Variants in MGLL observed in about 807,000 individuals in gnomAD.
MGLL encodes monoglyceride lipase.
A neutral mutation model predicts 29.1 loss-of-function variants in MGLL; 7 were observed. The ratio of observed to expected loss-of-function variants is 0.24; its 90% CI spans 0.14 to 0.45. MGLL has a LOEUF of 0.45. MGLL is among the 20% of genes least tolerant of loss of function. The probability of loss-of-function intolerance (pLI) is 0.99; values close to 1 mark genes in which losing one functional copy is unlikely to be tolerated. For missense variants in MGLL, 356 were observed against 413.6 expected (o/e 0.86, Z 1.21); for synonymous variants, 148 against 168.3 (o/e 0.88, Z 0.93).
At chr3:127,738,821 G>C (rs1386903456) in intron 3 of MGLL, among the ~76,000 whole-genome samples, 1 of 152,190 alleles carries the variant, frequency 6.6e-6, no homozygotes. Flanking sequence ...GTCCCAATCT[G>C]CACCAGCCGC....
At chr3:127,705,596 G>C (rs1218989863) in intron 6 of MGLL, among the ~76,000 whole-genome samples, 1 of 151,828 alleles carries the variant, frequency 6.6e-6, no homozygotes, top group African/African-American at 2.4e-5. Context: ...GACCACCATG[G>C]AGAAACCCCG....
chr3:127,821,876 T>C, intron 1 of MGLL, 38 bp from the exon 2 acceptor site: 6 of 1,603,158 alleles, frequency 3.7e-6, no homozygotes, highest in Non-Finnish European at 5.1e-6. Flanking sequence ...GTCAGAAATA[T>C]CTCAAGAACA....
chr3:127,738,047 T>A (rs994013807), intron 3 of MGLL, among the ~76,000 whole-genome samples: 1 of 152,068 alleles, frequency 6.6e-6, no homozygotes, highest in African/African-American at 2.4e-5. Context: ...AGACCTGTAA[T>A]CCCAGCACTT....
chr3:127,742,627 T>G (rs1226805365), intron 3 of MGLL, among the ~76,000 whole-genome samples: 2 of 148,540 alleles, frequency 1.3e-5, no homozygotes, highest in East Asian at 2.0e-4. Context: ...ACAGAAGGCA[T>G]TGTTTTGGTC....
intron 2 of MGLL, among the ~76,000 whole-genome samples, chr3:127,792,981 A>C (rs1224526903): frequency 6.6e-6 from 1 of 152,240 alleles, no homozygotes; most frequent in East Asian, 1.9e-4. Flanking sequence ...GAAGGGTTCC[A>C]ATCCCACCCA....
intron 6 of MGLL, 53 bp downstream of exon 6, chr3:127,710,523 C>T (rs2075689470): frequency 1.4e-6 from 2 of 1,435,068 alleles, no homozygotes; most frequent in East Asian, 5.0e-5. Flanking sequence ...AACTCTGATT[C>T]CCCATGGGGG....
At chr3:127,804,341 G>A (rs2077528972) in intron 2 of MGLL, among the ~76,000 whole-genome samples, 1 of 152,246 alleles carries the variant, frequency 6.6e-6, no homozygotes, top group Non-Finnish European at 1.5e-5. Flanking sequence ...CGGCTCAAAT[G>A]TCACGTCTGC....
chr3:127,731,584 C>T (rs1036952989), intron 3 of MGLL, among the ~76,000 whole-genome samples: 2 of 152,152 alleles, frequency 1.3e-5, no homozygotes, highest in South Asian at 2.1e-4. Flanking sequence ...GTCCTGATCA[C>T]CTCAGGGCCA....
intron 3 of MGLL, among the ~76,000 whole-genome samples, chr3:127,748,550 G>A (rs1253761796): frequency 6.6e-6 from 1 of 151,826 alleles, no homozygotes; most frequent in African/African-American, 2.4e-5. Flanking sequence ...CTTTGCCAAG[G>A]TAATGAAGTT....
At chr3:127,773,844 G>A (rs537225076) in intron 3 of MGLL, among the ~76,000 whole-genome samples, 6 of 152,216 alleles carry the variant, frequency 3.9e-5, no homozygotes, top group African/African-American at 1.4e-4. Flanking sequence ...CTCTGCTCAG[G>A]CCTCTTTATT....
intron 3 of MGLL, among the ~76,000 whole-genome samples, chr3:127,760,611 C>T (rs1182095508): frequency 6.6e-6 from 1 of 152,204 alleles, no homozygotes; most frequent in African/African-American, 2.4e-5. Flanking sequence ...GGAGCCGCTG[C>T]GGCACTTCTG....
At chr3:127,770,444 G>C (rs1051036376) in intron 3 of MGLL, among the ~76,000 whole-genome samples, 1 of 152,162 alleles carries the variant, frequency 6.6e-6, no homozygotes. Flanking sequence ...CAGCCCTCTA[G>C]GTTTCTGGGA....
At chr3:127,808,144 A>G (rs73862357) in intron 2 of MGLL, among the ~76,000 whole-genome samples, 7,010 of 152,074 alleles carry the variant, frequency 0.046, 549 homozygotes, top group African/African-American at 0.16. Context: ...ATAGCCCCCA[A>G]TGTGACCATT....
At chr3:127,762,731 C>A (rs150359272) in intron 3 of MGLL, among the ~76,000 whole-genome samples, 1 of 152,242 alleles carries the variant, frequency 6.6e-6, no homozygotes, top group Non-Finnish European at 1.5e-5. Flanking sequence ...CTGGTCATTA[C>A]TGCAGCTTCA....
intron 3 of MGLL, among the ~76,000 whole-genome samples, chr3:127,748,045 TA>T (rs1478672276): frequency 6.6e-6 from 1 of 150,466 alleles, no homozygotes; most frequent in Non-Finnish European, 1.5e-5. Context: ...CGTCTGGTAT[TA>T]AGTAAAGGAA....
chr3:127,762,467 T>C (rs1434427093), intron 3 of MGLL, among the ~76,000 whole-genome samples: 1 of 152,168 alleles, frequency 6.6e-6, no homozygotes, highest in Non-Finnish European at 1.5e-5. Flanking sequence ...TAAAGTTCCT[T>C]TGAGGAGTCC....
chr3:127,694,849 A>G, intron 7 of MGLL, 126 bp downstream of exon 7: 1 of 820,946 alleles, frequency 1.2e-6, no homozygotes. Flanking sequence ...TCGGTCAAGC[A>G]GGCTGGTCCC....
At chr3:127,714,053 T>C (rs1457563094) in intron 5 of MGLL, 3 of 151,804 alleles carry the variant, frequency 2.0e-5, no homozygotes, top group African/African-American at 2.4e-5. Context: ...GTGGAACTTT[T>C]TGCAGTTAAA....
At chr3:127,785,011 A>T (rs2077188769) in intron 2 of MGLL, among the ~76,000 whole-genome samples, 1 of 151,998 alleles carries the variant, frequency 6.6e-6, no homozygotes, top group East Asian at 1.9e-4. Flanking sequence ...GCCAGGCGAT[A>T]GTGTGCTGTT....
Sources: gnomAD v4.1 joint callset for allele counts (sites outside exome capture counted in the v4.1 genomes callset) on GRCh38, gnomAD v4.1.1 for gene constraint, MANE v1.5 for transcripts, NCBI Gene and HGNC (gene_info 2026-07-23, HGNC 2026-07-21) for gene names.